The following SENP5 variants were observed in gnomAD, a reference collection of about 807,000 sequenced individuals.
The protein encoded by SENP5 is sentrin-specific protease 5.
SENP5 carries 21 observed loss-of-function variants against 74.2 expected under a neutral mutation model. The ratio of observed to expected loss-of-function variants is 0.28; its 90% CI spans 0.20 to 0.41. SENP5 has a LOEUF of 0.41. Ranked by LOEUF, SENP5 falls within the 10% of genes least tolerant of loss-of-function variation. SENP5 has a pLI of 1.00. For synonymous variants in SENP5, 311 were observed against 312.7 expected (o/e 0.99, Z 0.06); for missense variants, 717 against 889.1 (o/e 0.81, Z 2.46).
At chr3:196,900,946 G>A (rs1714676600) in intron 5 of SENP5, among the ~76,000 whole-genome samples, 1 of 151,822 alleles carries the variant, frequency 6.6e-6, no homozygotes, top group South Asian at 2.1e-4. Flanking sequence ...ATTTATTTGT[G>A]TTAGGGTAGG....
chr3:196,874,456 C>G (rs1006342283), intron 1 of SENP5, among the ~76,000 whole-genome samples: 1 of 152,052 alleles, frequency 6.6e-6, no homozygotes, highest in African/African-American at 2.4e-5. Context: ...CTCGACTTCT[C>G]AACAACCTTT....
chr3:196,893,194 T>C (rs892542613), intron 2 of SENP5, among the ~76,000 whole-genome samples: 3 of 152,210 alleles, frequency 2.0e-5, no homozygotes, highest in African/African-American at 7.2e-5. Context: ...TTCAAGTCCT[T>C]TGCCTGCTTT....
At position 196,931,995 on chromosome 3, in the gene SENP5, T is replaced by A; in HGVS notation, c.*1072T>A. 1 of 439,690 alleles carries A rather than the reference T, an allele frequency of 2.3e-6. No homozygotes were observed. Among genetic ancestry groups the A allele is most frequent in the Non-Finnish European group, 4.5e-6 (1 of 220,602 alleles). 27.2% of individuals were successfully genotyped at this position (439,690 alleles called of 1,614,324 possible). ...CAACCGTGTCAGGTTCTTTCTCCTG[T>A]CCCATTAGTGACCTCAGTAACATGC... On this transcript the variant is annotated 3_prime_UTR_variant, in exon 10 of 10. Coordinates refer to ENST00000323460, the MANE Select transcript of SENP5 (RefSeq NM_152699.5).
intron 1 of SENP5, among the ~76,000 whole-genome samples, chr3:196,884,416 G>A (rs1457870246): frequency 6.6e-6 from 1 of 152,170 alleles, no homozygotes; most frequent in Non-Finnish European, 1.5e-5. Context: ...CTTCCCCTCA[G>A]GATTTAATAA....
At chr3:196,912,079 G>T (rs953196367) in intron 6 of SENP5, among the ~76,000 whole-genome samples, 1 of 152,088 alleles carries the variant, frequency 6.6e-6, no homozygotes, top group African/African-American at 2.4e-5. Context: ...CTATTACTGG[G>T]TATATACCCA....
intron 1 of SENP5, among the ~76,000 whole-genome samples, chr3:196,881,558 G>A (rs1440836140): frequency 6.6e-6 from 1 of 151,720 alleles, no homozygotes; most frequent in African/African-American, 2.4e-5. Context: ...CATTTAAAAA[G>A]CTTTATTTGT....
intron 6 of SENP5, among the ~76,000 whole-genome samples, chr3:196,920,732 C>A (rs1363835334): frequency 2.0e-5 from 3 of 152,204 alleles, no homozygotes; most frequent in African/African-American, 7.2e-5. Flanking sequence ...TTTCCTGCAT[C>A]TAAGCAGATG....
chr3:196,888,518 A>G (rs922700053), intron 2 of SENP5, among the ~76,000 whole-genome samples: 1 of 151,866 alleles, frequency 6.6e-6, no homozygotes, highest in Non-Finnish European at 1.5e-5. Flanking sequence ...TGGGAGGCGG[A>G]GGTTGCAGTG....
rs1716165376 is a variant in SENP5, at chr3:196,934,394, T to G, written c.*3471T>G. The G allele has an allele frequency of 1.3e-5, 2 of 152,266 alleles. No individual in the cohort carries two copies. The highest frequency in any genetic ancestry group is 2.9e-5 in the Non-Finnish European group (2 of 68,050). The allele number at this position is 152,266 out of a possible 1,614,324, so 9.4% of individuals were successfully genotyped here. A position where few individuals can be genotyped will look rare whatever the true frequency, so the allele number is the denominator to read the frequency against. ...ACTCTTCAGCAAGACAGTGTATTAATAGTGTGAATTAGATACACTGATGAC... is the reference window on the plus strand; with the variant it reads ...ACTCTTCAGCAAGACAGTGTATTAAGAGTGTGAATTAGATACACTGATGAC... On this transcript the variant is annotated 3_prime_UTR_variant, in exon 10 of 10. Coordinates refer to ENST00000323460, the MANE Select transcript of SENP5 (RefSeq NM_152699.5).
chr3:196,904,150 T>G (rs796582870), intron 6 of SENP5, among the ~76,000 whole-genome samples: 52 of 152,330 alleles, frequency 3.4e-4, no homozygotes, highest in African/African-American at 1.1e-3. Flanking sequence ...TGATGTACTC[T>G]AGTCAGAGAG....
At chr3:196,883,868 T>G (rs1353342440) in intron 1 of SENP5, among the ~76,000 whole-genome samples, 2 of 152,092 alleles carry the variant, frequency 1.3e-5, no homozygotes, top group African/African-American at 4.8e-5. Context: ...ATTTTTGTAT[T>G]TTTAGTAGAG....
intron 6 of SENP5, among the ~76,000 whole-genome samples, chr3:196,909,076 A>T (rs146734492): frequency 6.2e-4 from 94 of 152,318 alleles, no homozygotes; most frequent in Non-Finnish European, 1.2e-3. Flanking sequence ...GATAAAGGGG[A>T]TATCACCATT....
chr3:196,882,799 C>T (rs986012417), intron 1 of SENP5, among the ~76,000 whole-genome samples: 1 of 152,206 alleles, frequency 6.6e-6, no homozygotes, highest in Non-Finnish European at 1.5e-5. Context: ...CCACCATGCC[C>T]AGCCCGTCTA....
intron 6 of SENP5, among the ~76,000 whole-genome samples, chr3:196,922,475 G>T (rs1236219128): frequency 6.9e-6 from 1 of 144,114 alleles, no homozygotes; most frequent in African/African-American, 2.4e-5. Context: ...GCAGTTTCAG[G>T]GTCTCACTCC....
intron 6 of SENP5, among the ~76,000 whole-genome samples, chr3:196,921,761 G>A (rs962244836): frequency 2.6e-5 from 4 of 152,194 alleles, no homozygotes; most frequent in Non-Finnish European, 4.4e-5. Flanking sequence ...AGGTCATGAA[G>A]ACTTAACAGA....
Position 196,885,165 on chromosome 3 carries a change from C to A in SENP5, c.-17C>A. ...CTTCTTTACAGCTGCATCCAGATCTCATTATGCATCAGAAAAATGAAAAAA... is the reference window on the plus strand; with the variant it reads ...CTTCTTTACAGCTGCATCCAGATCTAATTATGCATCAGAAAAATGAAAAAA... On this transcript the variant is annotated 5_prime_UTR_variant, in exon 2 of 10. Transcript: ENST00000323460. 6.3e-7 allele frequency: 1 copy of A among 1,591,954 alleles called. No homozygotes were observed. Among genetic ancestry groups the A allele is most frequent in the South Asian group, 1.1e-5 (1 of 88,822 alleles).
chr3:196,927,751 A>G (rs759846333), intron 7 of SENP5, 45 bp from the exon 8 acceptor site: 28 of 1,188,358 alleles, frequency 2.4e-5, no homozygotes, highest in Admixed American at 1.2e-4. Flanking sequence ...ATTTTTCACC[A>G]ACTGATGGAA....
At position 196,867,952 on chromosome 3, in the gene SENP5, C is replaced by T. The variant is rs940666715; in HGVS notation, c.-153C>T. The T allele has an allele frequency of 9.2e-5, 14 of 152,156 alleles. No individual in the cohort carries two copies. The highest frequency in any genetic ancestry group is 3.4e-4 in the African/African-American group (14 of 41,442). The allele number at this position is 152,156 out of a possible 1,614,324, so 9.4% of individuals were successfully genotyped here. A position where few individuals can be genotyped will look rare whatever the true frequency, so the allele number is the denominator to read the frequency against. Reference sequence around the variant, plus strand: ...GCTCGGCGGCTGTGGCCGCGGCGAACAGGCCGGACGCCTCGTCGCTGGCGG... The same window carrying T: ...GCTCGGCGGCTGTGGCCGCGGCGAATAGGCCGGACGCCTCGTCGCTGGCGG... On this transcript the variant is annotated 5_prime_UTR_variant, in exon 1 of 10. Coordinates refer to ENST00000323460, the MANE Select transcript of SENP5 (RefSeq NM_152699.5).
intron 6 of SENP5, among the ~76,000 whole-genome samples, chr3:196,906,730 T>C (rs1228276732): frequency 6.6e-6 from 1 of 152,220 alleles, no homozygotes; most frequent in Non-Finnish European, 1.5e-5. Flanking sequence ...GTGTACCTGA[T>C]CCACAGATCA....
Sources: allele counts gnomAD v4.1 joint callset (sites outside exome capture counted in the v4.1 genomes callset), GRCh38; gene constraint gnomAD v4.1.1; transcripts MANE v1.5; gene names NCBI Gene and HGNC (gene_info 2026-07-23, HGNC 2026-07-21).